Variants in OSBPL9 observed in about 807,000 individuals in gnomAD.
The protein encoded by OSBPL9 is oxysterol-binding protein-related protein 9.
OSBPL9 carries 40 observed loss-of-function variants against 106.6 expected under a neutral mutation model. The ratio of observed to expected loss-of-function variants is 0.38; its 90% CI spans 0.29 to 0.49. The LOEUF is 0.49. Ranked by LOEUF, OSBPL9 falls within the 20% of genes least tolerant of loss-of-function variation. The probability of loss-of-function intolerance (pLI) is 0.97; values close to 1 mark genes in which losing one functional copy is unlikely to be tolerated. For synonymous variants in OSBPL9, 269 were observed against 295.4 expected, an observed-to-expected ratio of 0.91 and a Z score of 0.92; for missense variants, 609 against 887.2, an observed-to-expected ratio of 0.69 and a Z score of 3.98.
intron 3 of OSBPL9, among the ~76,000 whole-genome samples, chr1:51,671,998 G>A (rs918432064): frequency 3.9e-5 from 6 of 152,188 alleles, no homozygotes; most frequent in African/African-American, 1.4e-4. Flanking sequence ...TCTGGCTGGA[G>A]TGCAGATAAC....
intron 8 of OSBPL9, among the ~76,000 whole-genome samples, chr1:51,755,987 A>G (rs1366409651): frequency 6.6e-6 from 1 of 152,218 alleles, no homozygotes; most frequent in Non-Finnish European, 1.5e-5. Flanking sequence ...TTCACTTAAC[A>G]TCATGTTTTC....
intron 6 of OSBPL9, among the ~76,000 whole-genome samples, chr1:51,747,051 C>A (rs1668131309): frequency 6.6e-6 from 1 of 152,196 alleles, no homozygotes; most frequent in Non-Finnish European, 1.5e-5. Flanking sequence ...CTCACTGCAA[C>A]CTCCACCCTC....
chr1:51,621,996 A>G (rs1413245971), intron 1 of OSBPL9, among the ~76,000 whole-genome samples: 1 of 152,052 alleles, frequency 6.6e-6, no homozygotes, highest in Non-Finnish European at 1.5e-5. Context: ...AAAATTGATC[A>G]GTAGGTTCAG....
intron 3 of OSBPL9, among the ~76,000 whole-genome samples, chr1:51,672,163 A>T (rs899464595): frequency 2.6e-5 from 4 of 152,160 alleles, no homozygotes; most frequent in African/African-American, 9.7e-5. Context: ...TTTTAACAGG[A>T]TGACTCTGGC....
chr1:51,660,077 ACAAAT>A (rs1438636058), intron 2 of OSBPL9, among the ~76,000 whole-genome samples: 2 of 152,180 alleles, frequency 1.3e-5, no homozygotes, highest in African/African-American at 2.4e-5. Context: ...ATAGAGCGTT[ACAAAT>A]CAGACATTAT....
At chr1:51,692,080 G>T (rs958284618) in intron 3 of OSBPL9, among the ~76,000 whole-genome samples, 2 of 152,218 alleles carry the variant, frequency 1.3e-5, no homozygotes, top group Non-Finnish European at 2.9e-5. Context: ...GGCCAGGCAG[G>T]AGGATTGCTT....
At chr1:51,596,225 C>CTCCAGTCTG (rs1645298469) in intron 1 of OSBPL9, among the ~76,000 whole-genome samples, 1 of 145,606 alleles carries the variant, frequency 6.9e-6, no homozygotes, top group Non-Finnish European at 1.5e-5. Context: ...TGCTACTGCA[C>CTCCAGTCTG]TCCAGTCTGG....
intron 4 of OSBPL9, among the ~76,000 whole-genome samples, 175 bp downstream of exon 4, chr1:51,714,254 C>A (rs1660636895): frequency 6.6e-6 from 1 of 151,510 alleles, no homozygotes; most frequent in African/African-American, 2.4e-5. Flanking sequence ...TTATTTTCTC[C>A]TGCTTTCTGC....
rs367963230 is a variant in OSBPL9, at chr1:51,617,124, T to C, written c.14T>C (p.Met5Thr). 262 of 1,562,904 alleles carry C rather than the reference T, an allele frequency of 1.7e-4. No homozygotes were observed. Among genetic ancestry groups the C allele is most frequent in the Middle Eastern group, 3.5e-4 (2 of 5,736 alleles). MASI[M>T]EGPLSKWTNV... ...GCGGCTCCCAAGATGGCGTCCATCA[T>C]GGAAGGGCCGCTGAGCAAATGGACT... The change falls in exon 1 of 24, where the codon ATG becomes ACG. Residue 5 changes from methionine to threonine, a missense_variant. Around this residue, in one of 5 missense-constraint regions of OSBPL9, gnomAD observed 30 missense variants for 21.8 expected, o/e 1.37. Coordinates refer to ENST00000428468, the MANE Select transcript of OSBPL9 (RefSeq NM_024586.6).
chr1:51,729,622 ACCCCTCCC>A lies in OSBPL9; in HGVS notation c.318+15544_318+15551del, dbSNP rs1663843739. Reference sequence around the variant, plus strand: ...TCCGGACGCCCTCCCGCCGCTGCGCACCCCTCCCGCGAGCTGCCAGCTCCCTCGGCCTC... The same window carrying A: ...TCCGGACGCCCTCCCGCCGCTGCGCAGCGAGCTGCCAGCTCCCTCGGCCTC... On this transcript the variant is annotated intron_variant, in intron 4 of 23. Coordinates refer to ENST00000428468, the MANE Select transcript of OSBPL9 (RefSeq NM_024586.6). This position sits in a 1 kb window ranked among gnomAD's most constrained non-coding sequence, Gnocchi z 5.1. 1 of 222,492 alleles carries A rather than the reference ACCCCTCCC, an allele frequency of 4.5e-6. No individual in the cohort carries two copies. Among genetic ancestry groups the A allele is most frequent in the Admixed American group, 5.9e-5 (1 of 16,828 alleles). The allele number at this position is 222,492 out of a possible 1,614,324, so 13.8% of individuals were successfully genotyped here.
rs192841041 is a variant in OSBPL9, at chr1:51,620,488, A to G, written c.111+3267A>G. 4.1e-4 allele frequency among the ~76,000 whole-genome samples: 62 copies of G among 152,294 alleles called. No homozygotes were observed. In the East Asian group the frequency reaches 9.3e-3, roughly 23 times the overall value. ...GCACAGGGGGATACATAGGTGGGCT[A>G]CTTGACTCAGTCTTGAAGGGTTAGG... is the stretch of plus-strand genomic sequence containing the variant. On this transcript the variant is annotated intron_variant, in intron 1 of 23. Transcript: ENST00000428468.
At chr1:51,742,548 A>AGCAAGACCTTGCTATGTT (rs1667154050) in intron 4 of OSBPL9, among the ~76,000 whole-genome samples, 2 of 150,936 alleles carry the variant, frequency 1.3e-5, no homozygotes, top group Admixed American at 1.3e-4. Flanking sequence ...CTTGCAACAT[A>AGCAAGACCTTGCTATGTT]GCAAGACCCT....
chr1:51,579,657 T>C (rs1443983086), intron 1 of OSBPL9, among the ~76,000 whole-genome samples: 1 of 151,870 alleles, frequency 6.6e-6, no homozygotes, highest in Non-Finnish European at 1.5e-5. Context: ...TCCCAGAAGT[T>C]TGAGACCAGC....
chr1:51,548,435 TGCATAGG>T, the OSBPL9 span, among the ~76,000 whole-genome samples: 12,576 of 151,984 alleles, frequency 0.083, 595 homozygotes, highest in African/African-American at 0.11. Flanking sequence ...CTTGCTCTGT[TGCATAGG>T]CTGGAATGCA....
rs150440616 is a variant in OSBPL9, at chr1:51,634,710, A to G, written c.112-17281A>G. On this transcript the variant is annotated intron_variant, in intron 1 of 23. Transcript: ENST00000428468. Reference sequence around the variant, plus strand: ...AGAGTGAGAGGAGGAAACATGGTGTATTAGTCTGTTCTCACGCCGCTGACA... The same window carrying G: ...AGAGTGAGAGGAGGAAACATGGTGTGTTAGTCTGTTCTCACGCCGCTGACA... Among the ~76,000 whole-genome samples, 969 of 152,264 alleles carry G rather than the reference A, an allele frequency of 6.4e-3. 7 individuals carry two copies. The highest frequency in any genetic ancestry group is 0.011 in the Non-Finnish European group (758 of 68,026).
At chr1:51,609,883 G>C (rs1225012581) in intron 2 of OSBPL9, among the ~76,000 whole-genome samples, 1 of 151,496 alleles carries the variant, frequency 6.6e-6, no homozygotes, top group Non-Finnish European at 1.5e-5. Flanking sequence ...GAGTAGCTGG[G>C]ATTACAGGCA....
chr1:51,667,286 T>C (rs1648748892), intron 2 of OSBPL9, among the ~76,000 whole-genome samples: 1 of 152,190 alleles, frequency 6.6e-6, no homozygotes, highest in Admixed American at 6.5e-5. Context: ...CACAGAGTTG[T>C]TCAACCATCA....
At chr1:51,680,736 CAT>C (rs1416825063) in intron 3 of OSBPL9, among the ~76,000 whole-genome samples, 1 of 152,032 alleles carries the variant, frequency 6.6e-6, no homozygotes, top group African/African-American at 2.4e-5. Flanking sequence ...TTTAGCCACT[CAT>C]CTGTATTGTA....
At chr1:51,580,937 TATATATATATATATATAAC>T (rs1557574558) in intron 1 of OSBPL9, among the ~76,000 whole-genome samples, 102 of 1,834 alleles carry the variant, frequency 0.056, 1 homozygote, top group Middle Eastern at 0.17. Flanking sequence ...TATATATATA[TATATATATATATATATAAC>T]TTTTTTGAAA....
Sources: allele counts gnomAD v4.1 joint callset (sites outside exome capture counted in the v4.1 genomes callset), GRCh38; gene constraint gnomAD v4.1.1; regional missense constraint gnomAD v4.1.1; non-coding constraint Gnocchi (gnomAD v3.1); transcripts MANE v1.5; gene names NCBI Gene and HGNC (gene_info 2026-07-23, HGNC 2026-07-21).